Variants in MTFR1 observed in about 807,000 individuals in gnomAD.
MTFR1 encodes the protein chondrocyte protein with a poly-proline region.
MTFR1 carries 28 observed loss-of-function variants against 38.8 expected under a neutral mutation model. The observed-to-expected ratio is 0.72, with a 90% CI of 0.53 to 0.99. MTFR1 has a LOEUF of 0.99. MTFR1 is among the 50% of genes least tolerant of loss of function. MTFR1 has a pLI of 0.00. For synonymous variants in MTFR1, 145 were observed against 137.0 expected (o/e 1.06, Z -0.41); for missense variants, 358 against 395.5 (o/e 0.91, Z 0.81).
At chr8:65,766,564 G>A (rs1378880794) in intron 3 of MTFR1, among the ~76,000 whole-genome samples, 1 of 152,136 alleles carries the variant, frequency 6.6e-6, no homozygotes, top group African/African-American at 2.4e-5. Context: ...AGAAAGCTCT[G>A]GGCACCTTTC....
chr8:65,767,219 A>G (rs192295021), intron 3 of MTFR1, among the ~76,000 whole-genome samples: 330 of 152,338 alleles, frequency 2.2e-3, no homozygotes, highest in Non-Finnish European at 3.6e-3. Flanking sequence ...AACATGAAGC[A>G]TGAACCTCAG....
At chr8:65,777,148 T>C in the MTFR1 span, among the ~76,000 whole-genome samples, 1 of 148,594 alleles carries the variant, frequency 6.7e-6, no homozygotes, top group Non-Finnish European at 1.5e-5. Flanking sequence ...AATGCAATCC[T>C]GGCTAACCGC....
rs1805798981 is a variant in MTFR1 at position 65,707,023 on chromosome 8, TACC to T, written c.534_536del (p.Thr179del). 6.2e-7 allele frequency: 1 copy of T among 1,601,150 alleles called. No individual in the cohort carries two copies. On this transcript the variant is annotated inframe_deletion, in exon 6 of 8. Coordinates refer to ENST00000262146, the MANE Select transcript of MTFR1 (RefSeq NM_014637.4). ...TTGTTTCTGTAGGTGACTTAGATTCTACCACATTTGGTACCATACCACCACACC... is the reference window on the plus strand; with the variant it reads ...TTGTTTCTGTAGGTGACTTAGATTCTACATTTGGTACCATACCACCACACC...
chr8:65,720,018 A>C (rs1806308213), intron 3 of MTFR1, among the ~76,000 whole-genome samples: 1 of 152,238 alleles, frequency 6.6e-6, no homozygotes, highest in Non-Finnish European at 1.5e-5. Flanking sequence ...AGAATTTATA[A>C]AGGCAAAACT....
At chr8:65,727,407 T>A in intron 3 of MTFR1, 1 of 1,492,346 alleles carries the variant, frequency 6.7e-7, no homozygotes, top group South Asian at 1.3e-5. Flanking sequence ...GGTAATCTCC[T>A]CCCCCTTCAC....
intron 4 of MTFR1, among the ~76,000 whole-genome samples, chr8:65,694,155 A>C (rs1164723527): frequency 1.3e-5 from 2 of 148,348 alleles, no homozygotes; most frequent in African/African-American, 5.0e-5. Context: ...GCTCATTGCA[A>C]CCTCCACCTC....
chr8:65,735,842 C>T (rs1807107527), intron 3 of MTFR1, among the ~76,000 whole-genome samples: 1 of 152,038 alleles, frequency 6.6e-6, no homozygotes, highest in South Asian at 2.1e-4. Flanking sequence ...CCAGGCTGGT[C>T]TTTAACTCCT....
intron 3 of MTFR1, among the ~76,000 whole-genome samples, chr8:65,751,839 TA>T (rs1807983707): frequency 6.6e-6 from 1 of 152,240 alleles, no homozygotes; most frequent in Admixed American, 6.5e-5. Flanking sequence ...ATTATTTTTC[TA>T]CTTATTTTAC....
intron 3 of MTFR1, among the ~76,000 whole-genome samples, chr8:65,740,504 G>A (rs374573482): frequency 2.6e-5 from 4 of 152,126 alleles, no homozygotes; most frequent in Admixed American, 6.5e-5. Flanking sequence ...GAGTTCAAGC[G>A]ATTCTCCTGC....
intron 1 of MTFR1, among the ~76,000 whole-genome samples, chr8:65,649,024 A>G (rs1330831235): frequency 3.3e-5 from 5 of 152,046 alleles, no homozygotes; most frequent in Non-Finnish European, 5.9e-5. Flanking sequence ...TTGAAAAAAC[A>G]ATGATAAAAT....
intron 2 of MTFR1, among the ~76,000 whole-genome samples, chr8:65,674,138 G>A (rs1804643691): frequency 6.6e-6 from 1 of 152,032 alleles, no homozygotes; most frequent in African/African-American, 2.4e-5. Context: ...TCACCATGTT[G>A]GCCAGGCTGG....
chr8:65,739,736 T>G, intron 3 of MTFR1: 1 of 912,288 alleles, frequency 1.1e-6, no homozygotes, highest in Non-Finnish European at 1.4e-6. Context: ...AATATGCATC[T>G]TCTTACCAGT....
chr8:65,748,091 C>T (rs1476985454), intron 3 of MTFR1, among the ~76,000 whole-genome samples: 6 of 147,642 alleles, frequency 4.1e-5, no homozygotes, highest in South Asian at 4.9e-4. Context: ...TTAATAATCA[C>T]GGTTTGTTTT....
intron 3 of MTFR1, among the ~76,000 whole-genome samples, chr8:65,738,216 T>C (rs1807238255): frequency 6.6e-6 from 1 of 152,228 alleles, no homozygotes; most frequent in Non-Finnish European, 1.5e-5. Context: ...CTAATCATTA[T>C]GTGAACCTTC....
At chr8:65,755,828 G>A (rs968826922) in intron 3 of MTFR1, among the ~76,000 whole-genome samples, 6 of 151,942 alleles carry the variant, frequency 3.9e-5, no homozygotes, top group African/African-American at 7.3e-5. Context: ...TCACTATGTC[G>A]CCTAGGCTGG....
downstream of MTFR1, among the ~76,000 whole-genome samples, chr8:65,773,149 C>T (rs950227219): frequency 2.6e-5 from 4 of 152,174 alleles, no homozygotes; most frequent in Non-Finnish European, 5.9e-5. Flanking sequence ...AGCAGGAGCA[C>T]GTGCTCATTT....
downstream of MTFR1, chr8:65,710,618 T>C (rs1389860455): frequency 6.6e-6 from 1 of 152,294 alleles, no homozygotes; most frequent in Non-Finnish European, 1.5e-5. Flanking sequence ...TTTGCACACG[T>C]AGCTTCTTTA....
chr8:65,714,913 C>G (rs1396183066), downstream of MTFR1: 1 of 152,124 alleles, frequency 6.6e-6, no homozygotes, highest in Non-Finnish European at 1.5e-5. Flanking sequence ...TACTTTTATA[C>G]AGAGTATCAT....
At chr8:65,738,203 A>G (rs767172847) in intron 3 of MTFR1, among the ~76,000 whole-genome samples, 1 of 152,252 alleles carries the variant, frequency 6.6e-6, no homozygotes, top group Non-Finnish European at 1.5e-5. Context: ...TTGCTATAAA[A>G]TGCTAATCAT....
Sources: allele counts gnomAD v4.1 joint callset (sites outside exome capture counted in the v4.1 genomes callset), GRCh38; gene constraint gnomAD v4.1.1; transcripts MANE v1.5; gene names NCBI Gene and HGNC (gene_info 2026-07-23, HGNC 2026-07-21).